The following PSPC1 variants were observed in gnomAD, a reference collection of about 807,000 sequenced individuals.
PSPC1 encodes the protein paraspeckle protein 1.
Under a neutral mutation model 51.6 loss-of-function variants are expected in PSPC1, and 14 were observed. That is an observed-to-expected ratio of 0.27 (90% CI 0.18 to 0.42). The LOEUF (loss-of-function observed/expected upper bound fraction) is 0.42. Ranked by LOEUF, PSPC1 falls within the 10% of genes least tolerant of loss-of-function variation. The pLI, the probability that PSPC1 is intolerant of heterozygous loss-of-function variation, is 1.00. For missense variants in PSPC1, 406 were observed against 701.1 expected, an observed-to-expected ratio of 0.58 and a Z score of 4.75; for synonymous variants, 193 against 231.9, an observed-to-expected ratio of 0.83 and a Z score of 1.53.
chr13:19,715,100 CTT>C (rs1260627928), intron 6 of PSPC1, among the ~76,000 whole-genome samples: 1 of 152,146 alleles, frequency 6.6e-6, no homozygotes, highest in African/African-American at 2.4e-5. Context: ...GAAAGCGACT[CTT>C]AACTCTGTAA....
At chr13:19,716,665 A>G (rs984152607) in intron 6 of PSPC1, among the ~76,000 whole-genome samples, 2 of 152,254 alleles carry the variant, frequency 1.3e-5, no homozygotes, top group Non-Finnish European at 2.9e-5. Context: ...TAAAAAATAT[A>G]TAATTCTAGA....
chr13:19,716,608 T>A (rs1019039560), intron 6 of PSPC1, among the ~76,000 whole-genome samples: 9 of 152,174 alleles, frequency 5.9e-5, no homozygotes, highest in Non-Finnish European at 1.3e-4. Context: ...AGGTTCTATG[T>A]CTCAAAAAAC....
intron 3 of PSPC1, among the ~76,000 whole-genome samples, chr13:19,756,429 G>A (rs907477252): frequency 1.3e-5 from 2 of 152,108 alleles, no homozygotes; most frequent in African/African-American, 4.8e-5. Context: ...CCAGGAGGAA[G>A]AGTCAAGCAG....
At chr13:19,687,309 C>A (rs1003107925) in intron 6 of PSPC1, among the ~76,000 whole-genome samples, 10 of 152,138 alleles carry the variant, frequency 6.6e-5, no homozygotes, top group African/African-American at 2.2e-4. Context: ...TTCTATGGAG[C>A]TTCAATGGTT....
At chr13:19,746,351 G>A (rs879752151) in intron 4 of PSPC1, among the ~76,000 whole-genome samples, 2 of 151,874 alleles carry the variant, frequency 1.3e-5, no homozygotes, top group Non-Finnish European at 2.9e-5. Context: ...GCAGCAAGCC[G>A]AGATTGCGCC....
chr13:19,723,614 TAACTC>T (rs1883036032), intron 6 of PSPC1, among the ~76,000 whole-genome samples: 1 of 152,226 alleles, frequency 6.6e-6, no homozygotes, highest in South Asian at 2.1e-4. Context: ...AGTGATCAAA[TAACTC>T]AACACCTGGT....
At chr13:19,699,136 GA>G (rs939294793), downstream of PSPC1, among the ~76,000 whole-genome samples, 1 of 151,776 alleles carries the variant, frequency 6.6e-6, no homozygotes, top group Admixed American at 6.6e-5. Context: ...CATAATCAAG[GA>G]AACAAAAACA....
intron 6 of PSPC1, among the ~76,000 whole-genome samples, chr13:19,686,163 C>A (rs1462951319): frequency 6.6e-6 from 1 of 152,178 alleles, no homozygotes; most frequent in Non-Finnish European, 1.5e-5. Flanking sequence ...ATGACCTAGG[C>A]AAAGTCTCTC....
At chr13:19,746,190 TCAGGA>T (rs1885962713) in intron 4 of PSPC1, among the ~76,000 whole-genome samples, 1 of 150,226 alleles carries the variant, frequency 6.7e-6, no homozygotes. Context: ...GATCACGAGG[TCAGGA>T]GTTCAAGATC....
At chr13:19,780,993 C>CA (rs1156355251) in intron 1 of PSPC1, among the ~76,000 whole-genome samples, 8 of 151,770 alleles carry the variant, frequency 5.3e-5, no homozygotes, top group African/African-American at 1.9e-4. Context: ...ACCGCCTCTA[C>CA]AAAAAATACA....
intron 5 of PSPC1, among the ~76,000 whole-genome samples, chr13:19,733,606 C>T (rs542316249): frequency 6.6e-6 from 1 of 151,652 alleles, no homozygotes; most frequent in East Asian, 1.9e-4. Flanking sequence ...ACTAAAAATA[C>T]AAAAAAATTA....
intron 6 of PSPC1, among the ~76,000 whole-genome samples, chr13:19,696,052 G>C (rs1381792720): frequency 6.6e-6 from 1 of 152,146 alleles, no homozygotes; most frequent in Non-Finnish European, 1.5e-5. Flanking sequence ...CAGAAGAAAT[G>C]GGGGAGGGGT....
chr13:19,746,990 C>T (rs1886061595), intron 4 of PSPC1, among the ~76,000 whole-genome samples: 1 of 152,086 alleles, frequency 6.6e-6, no homozygotes, highest in Non-Finnish European at 1.5e-5. Context: ...TGCCTGTAAT[C>T]CCAGCTACTC....
chr13:19,719,842 C>CCAAA (rs1270443104), intron 6 of PSPC1, among the ~76,000 whole-genome samples: 1 of 151,982 alleles, frequency 6.6e-6, no homozygotes, highest in Non-Finnish European at 1.5e-5. Context: ...GTTAAAGAAG[C>CCAAA]TTCTATTTGG....
At chr13:19,690,395 G>T (rs1878410793) in intron 6 of PSPC1, among the ~76,000 whole-genome samples, 3 of 152,158 alleles carry the variant, frequency 2.0e-5, no homozygotes, top group Non-Finnish European at 4.4e-5. Flanking sequence ...CTGACGAGTT[G>T]CTCCTAGCAG....
Position 19,705,715 on chromosome 13 carries a change from G to A in PSPC1, c.1333C>T (p.Pro445Ser). The A allele has an allele frequency of 6.2e-7, 1 of 1,609,880 alleles. No homozygotes were observed. Among genetic ancestry groups the A allele is most frequent in the Admixed American group, 1.7e-5 (1 of 58,958 alleles). ...PPMGPGPAMG[P>S]EGAANMGTPM... ...GTTCCCATATTTGCGGCTCCTTCTG[G>A]TCCCATGGCAGGACCAGGACCCATT... The change falls in exon 8 of 9, where the codon CCA (proline) becomes TCA (serine). Residue 445 changes from proline (P) to serine (S), a missense_variant. Physicochemically the swap from Pro to Ser is moderately conservative, Grantham distance 74. Transcript: ENST00000338910.
chr13:19,750,637 T>C (rs1367591151), intron 4 of PSPC1, among the ~76,000 whole-genome samples: 1 of 152,102 alleles, frequency 6.6e-6, no homozygotes, highest in Non-Finnish European at 1.5e-5. Context: ...CAAAAAATCC[T>C]GTATGTGCCA....
At chr13:19,683,887 A>G (rs1055830061) in intron 6 of PSPC1, among the ~76,000 whole-genome samples, 3 of 152,192 alleles carry the variant, frequency 2.0e-5, no homozygotes, top group African/African-American at 7.2e-5. Flanking sequence ...GTAAGTTATC[A>G]AAGAAATGTG....
At chr13:19,673,138 T>C (rs1316157817), downstream of PSPC1, 2 of 454,400 alleles carry the variant, frequency 4.4e-6, no homozygotes, top group South Asian at 1.6e-5. Context: ...GCCCTTGTTT[T>C]GAACACCGAC....
Sources: allele counts gnomAD v4.1 joint callset (sites outside exome capture counted in the v4.1 genomes callset), GRCh38; gene constraint gnomAD v4.1.1; transcripts MANE v1.5; gene names NCBI Gene and HGNC (gene_info 2026-07-23, HGNC 2026-07-21).